The following EIF4G3 variants were observed in gnomAD, a reference collection of about 807,000 sequenced individuals.
EIF4G3 encodes eukaryotic translation initiation factor 4 gamma 3, also known as eIF-4-gamma 3.
EIF4G3 carries 34 observed loss-of-function variants against 186.4 expected under a neutral mutation model. That is an observed-to-expected ratio of 0.18 (90% CI 0.14 to 0.24). The LOEUF (loss-of-function observed/expected upper bound fraction) is 0.24. Ranked by LOEUF, EIF4G3 falls within the 10% of genes least tolerant of loss-of-function variation. The probability of loss-of-function intolerance (pLI) is 1.00; values close to 1 mark genes in which losing one functional copy is unlikely to be tolerated. For synonymous variants in EIF4G3, 673 were observed against 679.5 expected, an observed-to-expected ratio of 0.99 and a Z score of 0.15; for missense variants, 1,536 against 1,948.5, an observed-to-expected ratio of 0.79 and a Z score of 3.99.
chr1:20,835,774 C>CA (rs1371105557), intron 30 of EIF4G3, among the ~76,000 whole-genome samples: 1 of 151,864 alleles, frequency 6.6e-6, no homozygotes, highest in Non-Finnish European at 1.5e-5. Flanking sequence ...ACCATCTCTA[C>CA]AAAAAATAAA....
chr1:21,048,432 T>C (rs896801697), intron 4 of EIF4G3, among the ~76,000 whole-genome samples: 1 of 152,144 alleles, frequency 6.6e-6, no homozygotes, highest in Non-Finnish European at 1.5e-5. Flanking sequence ...TCTAGAGATA[T>C]GTAGAAGGAA....
chr1:20,816,323 CGGG>C (rs1295212386), intron 34 of EIF4G3, among the ~76,000 whole-genome samples: 32 of 748 alleles, frequency 0.043, 1 homozygote, highest in South Asian at 0.25. Flanking sequence ...GGGAGGGAGG[CGGG>C]GGGGGGGGGG....
chr1:20,830,638 G>T (rs1187413056), intron 30 of EIF4G3, among the ~76,000 whole-genome samples: 1 of 152,136 alleles, frequency 6.6e-6, no homozygotes, highest in African/African-American at 2.4e-5. Context: ...AGCCATGCTG[G>T]TCTTTCAGCA....
chr1:20,916,731 G>A (rs578043472), intron 14 of EIF4G3, among the ~76,000 whole-genome samples: 3 of 152,250 alleles, frequency 2.0e-5, no homozygotes, highest in East Asian at 1.9e-4. Flanking sequence ...TCTTTATCAC[G>A]ACCGTGTGGT....
At chr1:20,961,214 C>A (rs79370453) in intron 12 of EIF4G3, among the ~76,000 whole-genome samples, 4,120 of 152,092 alleles carry the variant, frequency 0.027, 136 homozygotes, top group East Asian at 0.14. Context: ...GAAACCCCGT[C>A]TCTACTAAAA....
intron 2 of EIF4G3, among the ~76,000 whole-genome samples, chr1:21,170,107 G>A (rs931852386): frequency 3.9e-5 from 6 of 152,088 alleles, no homozygotes; most frequent in Admixed American, 1.3e-4. Context: ...TCCAGGAGGC[G>A]GAGGTTGAAG....
At chr1:20,939,847 G>GTTTTTTTT (rs538504683) in intron 14 of EIF4G3, among the ~76,000 whole-genome samples, 160 of 89,914 alleles carry the variant, frequency 1.8e-3, no homozygotes, top group Middle Eastern at 8.9e-3. Flanking sequence ...AAGTTGTTTA[G>GTTTTTTTT]TTTTTTTTTT....
intron 12 of EIF4G3, among the ~76,000 whole-genome samples, chr1:20,951,957 T>C (rs1304968673): frequency 6.6e-6 from 1 of 152,088 alleles, no homozygotes; most frequent in Admixed American, 6.6e-5. Context: ...AGTGAGATAA[T>C]ATGTTTGTTA....
At chr1:21,022,774 TC>T (rs1322243549) in intron 4 of EIF4G3, among the ~76,000 whole-genome samples, 1 of 152,170 alleles carries the variant, frequency 6.6e-6, no homozygotes, top group Non-Finnish European at 1.5e-5. Context: ...AAACCAAGTC[TC>T]TCCAGTTGAC....
intron 4 of EIF4G3, among the ~76,000 whole-genome samples, chr1:21,044,648 T>C (rs10916924): frequency 7.6e-6 from 1 of 131,042 alleles, no homozygotes. Flanking sequence ...TTTTTTTTTT[T>C]GTTTTTTTTT....
intron 4 of EIF4G3, among the ~76,000 whole-genome samples, chr1:21,044,332 T>G (rs2093750696): frequency 6.6e-6 from 1 of 152,228 alleles, no homozygotes; most frequent in African/African-American, 2.4e-5. Context: ...TTCATATTTA[T>G]ATTTGTGATA....
chr1:21,081,636 ATTTTTTTT>A (rs566655576), intron 3 of EIF4G3, among the ~76,000 whole-genome samples: 8 of 122,772 alleles, frequency 6.5e-5, no homozygotes, highest in Admixed American at 3.9e-4. Context: ...GATGAGTCCA[ATTTTTTTT>A]TTTTTTTTTT....
chr1:21,011,849 T>C (rs1364055054), intron 4 of EIF4G3, among the ~76,000 whole-genome samples: 3 of 152,208 alleles, frequency 2.0e-5, no homozygotes, highest in Non-Finnish European at 2.9e-5. Context: ...AGAGGTAAAT[T>C]AGTAGTACTA....
rs543605542 is a variant in EIF4G3, at chr1:21,130,509, G to C, written c.-271-41296C>G. ...CTCCCAAAATGCTGGGATTACAGGC[G>C]TGAGCTAGCTAGCTTAACTAAGCAC... is the stretch of plus-strand genomic sequence containing the variant. On this transcript the variant is annotated intron_variant, in intron 2 of 36. Coordinates refer to ENST00000602326, the MANE Select transcript of EIF4G3 (RefSeq NM_001391906.1). Among the ~76,000 whole-genome samples the C allele has an allele frequency of 2.0e-5, 3 of 152,068 alleles. No homozygotes were observed. The South Asian group carries it at 6.2e-4, about 32-fold the overall frequency.
At chr1:21,014,822 C>T (rs1374332930) in intron 4 of EIF4G3, among the ~76,000 whole-genome samples, 1 of 151,778 alleles carries the variant, frequency 6.6e-6, no homozygotes, top group African/African-American at 2.4e-5. Flanking sequence ...TTAGTAGAGA[C>T]GGGGTTTTTG....
chr1:21,171,853 C>G (rs896524975), intron 2 of EIF4G3, among the ~76,000 whole-genome samples: 1 of 152,026 alleles, frequency 6.6e-6, no homozygotes, highest in Middle Eastern at 3.2e-3. Context: ...TTTTTTGCCT[C>G]CAAATCAGGT....
chr1:21,018,320 G>A (rs11808483), intron 4 of EIF4G3, among the ~76,000 whole-genome samples: 14,496 of 152,050 alleles, frequency 0.095, 935 homozygotes, highest in East Asian at 0.26. Flanking sequence ...AGTGGCTCAT[G>A]CTTGTAATCC....
chr1:21,099,581 G>T (rs150297689), intron 2 of EIF4G3, among the ~76,000 whole-genome samples: 9 of 152,320 alleles, frequency 5.9e-5, no homozygotes, highest in African/African-American at 1.9e-4. Flanking sequence ...CAAAAAGACT[G>T]TAAGTCCATT....
At chr1:21,129,158 CA>C (rs1239155077) in intron 2 of EIF4G3, among the ~76,000 whole-genome samples, 1 of 151,476 alleles carries the variant, frequency 6.6e-6, no homozygotes, top group Non-Finnish European at 1.5e-5. Context: ...ACTAAAAATA[CA>C]AAAAAATTAG....
Sources: gnomAD v4.1 joint callset for allele counts (sites outside exome capture counted in the v4.1 genomes callset) on GRCh38, gnomAD v4.1.1 for gene constraint, MANE v1.5 for transcripts, NCBI Gene and HGNC (gene_info 2026-07-23, HGNC 2026-07-21) for gene names.